The following GPC5 variants were observed in gnomAD, a reference collection of about 807,000 sequenced individuals.
GPC5 encodes the protein glypican 5, also known as glypican-5.
In GPC5, 47 loss-of-function variants were observed where a neutral mutation model predicts 53.9. The observed-to-expected ratio is 0.87, with a 90% CI of 0.69 to 1.11. The LOEUF (loss-of-function observed/expected upper bound fraction) is 1.11. Ranked by LOEUF, GPC5 falls within the 50% of genes most tolerant of loss-of-function variation. GPC5 has a pLI of 0.00. For missense variants in GPC5, 748 were observed against 713.1 expected (o/e 1.05, Z -0.56); for synonymous variants, 286 against 263.3 (o/e 1.09, Z -0.84).
chr13:91,829,736 G>C (rs1311768401), intron 5 of GPC5, among the ~76,000 whole-genome samples: 1 of 152,024 alleles, frequency 6.6e-6, no homozygotes, highest in East Asian at 1.9e-4. Flanking sequence ...TTTTAAAGCT[G>C]GGCATCCGGG....
In GPC5 at chr13:92,496,736, G is replaced by A. The variant is rs140307830; in HGVS notation, c.1561+351747G>A. On this transcript the variant is annotated intron_variant, in intron 7 of 7. Coordinates refer to ENST00000377067, the MANE Select transcript of GPC5 (RefSeq NM_004466.6). ...AATACACAGCATGCATACAGACAGAGGAGAGGTCTCATGAGTTCCCCTCTC... is the reference window on the plus strand; with the variant it reads ...AATACACAGCATGCATACAGACAGAAGAGAGGTCTCATGAGTTCCCCTCTC... Among the ~76,000 whole-genome samples the A allele has an allele frequency of 1.0e-3, 157 of 152,244 alleles. 2 individuals carry two copies. The East Asian group carries it at 0.025, about 24-fold the overall frequency.
chr13:92,133,418 A>G (rs1285441823), intron 6 of GPC5, among the ~76,000 whole-genome samples: 2 of 152,166 alleles, frequency 1.3e-5, no homozygotes, highest in African/African-American at 2.4e-5. Context: ...TTCCCTTTTT[A>G]ATAGAGCATT....
chr13:92,224,441 A>T (rs1040806947), intron 7 of GPC5, among the ~76,000 whole-genome samples: 1 of 152,206 alleles, frequency 6.6e-6, no homozygotes, highest in Non-Finnish European at 1.5e-5. Context: ...TACAAACGAG[A>T]ATTAACACAG....
At chr13:91,921,346 G>C (rs1300002096) in intron 6 of GPC5, among the ~76,000 whole-genome samples, 3 of 152,032 alleles carry the variant, frequency 2.0e-5, no homozygotes, top group Non-Finnish European at 4.4e-5. Context: ...ATAAGAATGG[G>C]AAAAAGGATG....
intron 7 of GPC5, among the ~76,000 whole-genome samples, chr13:92,542,602 T>C (rs1168994986): frequency 6.6e-6 from 1 of 152,078 alleles, no homozygotes; most frequent in African/African-American, 2.4e-5. Context: ...TTGCATTTTT[T>C]CACGATGTTA....
rs1226851044 is a variant in GPC5 at position 91,993,230 on chromosome 13, A to G, written c.1401+85173A>G. 5.3e-5 allele frequency among the ~76,000 whole-genome samples: 8 copies of G among 152,142 alleles called. No individual in the cohort carries two copies. In the South Asian group the frequency reaches 6.2e-4, roughly 12 times the overall value. On this transcript the variant is annotated intron_variant, in intron 6 of 7. Transcript: ENST00000377067. The stretch of plus-strand genomic sequence containing the variant: ...TATTTCTACCTCTGAATTATCTTCA[A>G]CCTCCCTTCCTCAGCCTTTTCAGGC...
At chr13:92,864,563 A>G (rs1879282853) in intron 7 of GPC5, among the ~76,000 whole-genome samples, 3 of 142,236 alleles carry the variant, frequency 2.1e-5, no homozygotes, top group South Asian at 4.2e-4. Context: ...GTTATCTTAG[A>G]AAAAAAAAAT....
intron 2 of GPC5, among the ~76,000 whole-genome samples, chr13:91,493,908 T>C (rs1056566160): frequency 3.3e-5 from 5 of 152,050 alleles, no homozygotes; most frequent in Admixed American, 2.0e-4. Flanking sequence ...AGAGTCTCAC[T>C]CTGTCACCAG....
chr13:92,010,833 C>T (rs923072296), intron 6 of GPC5, among the ~76,000 whole-genome samples: 3 of 152,140 alleles, frequency 2.0e-5, no homozygotes, highest in Non-Finnish European at 4.4e-5. Flanking sequence ...TTTCAGCTTT[C>T]GGAATTGTGA....
At chr13:92,423,555 A>T (rs978973446) in intron 7 of GPC5, among the ~76,000 whole-genome samples, 2 of 152,198 alleles carry the variant, frequency 1.3e-5, no homozygotes, top group Non-Finnish European at 2.9e-5. Context: ...GAGAGTGAAG[A>T]TGTCTCCACC....
In GPC5 at chr13:92,144,905, C is replaced by T. The variant is rs911428370; in HGVS notation, c.1477C>T (p.Gln493Ter). The change falls in exon 7 of 8, where the codon CAA becomes TAA. Residue 493 changes from glutamine (Q) to a stop codon, truncating the protein, a stop_gained. Coordinates refer to ENST00000377067, the MANE Select transcript of GPC5 (RefSeq NM_004466.6). LOFTEE classifies it high-confidence loss of function. ...GGGCAGTGGTGGAGGCATGGTTGAA[C>T]AAGTCAGTGGGGACTGTGATGATGA... ...QLGSGGGMVE[Q>*]VSGDCDDEDG... The T allele has an allele frequency of 7.5e-6, 12 of 1,608,642 alleles. No homozygotes were observed. Among genetic ancestry groups the T allele is most frequent in the Non-Finnish European group, 1.0e-5 (12 of 1,177,898 alleles).
intron 1 of GPC5, among the ~76,000 whole-genome samples, chr13:91,421,348 T>C (rs959030867): frequency 7.2e-5 from 11 of 152,158 alleles, no homozygotes; most frequent in African/African-American, 1.9e-4. Flanking sequence ...TCTTCAGAAA[T>C]TGTATTCTAG....
rs189976090 is a variant in GPC5 at position 91,494,950 on chromosome 13, C to A, written c.325+46028C>A. On this transcript the variant is annotated intron_variant, in intron 2 of 7. Coordinates refer to ENST00000377067, the MANE Select transcript of GPC5 (RefSeq NM_004466.6). ...CAGCTTCAAATATCAGAACTGCTAT[C>A]TTCATCCCAGACCTCTATTCTGAAC... 1.4e-4 allele frequency among the ~76,000 whole-genome samples: 22 copies of A among 152,320 alleles called. No homozygotes were observed. In the East Asian group the frequency reaches 3.9e-3, roughly 27 times the overall value.
chr13:92,528,782 C>A (rs1881450295), intron 7 of GPC5, among the ~76,000 whole-genome samples: 1 of 151,758 alleles, frequency 6.6e-6, no homozygotes, highest in Admixed American at 6.6e-5. Context: ...TTTAGTAGTG[C>A]TTTAAATATG....
chr13:92,427,336 A>G (rs1028369084), intron 7 of GPC5, among the ~76,000 whole-genome samples: 12 of 149,268 alleles, frequency 8.0e-5, no homozygotes, highest in Admixed American at 4.8e-4. Context: ...ATACGAGATA[A>G]CTGGCTCTCC....
intron 7 of GPC5, among the ~76,000 whole-genome samples, chr13:92,545,979 A>T (rs1168227340): frequency 6.6e-6 from 1 of 152,040 alleles, no homozygotes; most frequent in Non-Finnish European, 1.5e-5. Flanking sequence ...GGTGTTTTAG[A>T]CATGAAGTCC....
intron 2 of GPC5, among the ~76,000 whole-genome samples, chr13:91,528,347 C>G (rs910750894): frequency 1.3e-4 from 20 of 152,274 alleles, no homozygotes; most frequent in African/African-American, 4.6e-4. Flanking sequence ...TTCAAAGTTT[C>G]ACAGATCTCT....
At chr13:92,243,103 G>C (rs2042625540) in intron 7 of GPC5, among the ~76,000 whole-genome samples, 1 of 152,142 alleles carries the variant, frequency 6.6e-6, no homozygotes, top group South Asian at 2.1e-4. Context: ...GTTTGGAAAT[G>C]ATCCTCGCTA....
At chr13:92,065,968 C>G (rs2041164064) in intron 6 of GPC5, among the ~76,000 whole-genome samples, 1 of 152,026 alleles carries the variant, frequency 6.6e-6, no homozygotes, top group Non-Finnish European at 1.5e-5. Context: ...TAACAATATT[C>G]AACTGTTGAA....
Sources: gnomAD v4.1 joint callset for allele counts (sites outside exome capture counted in the v4.1 genomes callset) on GRCh38, gnomAD v4.1.1 for gene constraint, MANE v1.5 for transcripts, NCBI Gene and HGNC (gene_info 2026-07-23, HGNC 2026-07-21) for gene names.